Variants in NAIP observed in about 807,000 individuals in gnomAD.
The protein encoded by NAIP is NLR family apoptosis inhibitory protein, also known as baculoviral IAP repeat-containing protein 1.
A neutral mutation model predicts 23.0 loss-of-function variants in NAIP; 15 were observed. The ratio of observed to expected loss-of-function variants is 0.65; its 90% CI spans 0.44 to 1.00. The LOEUF (loss-of-function observed/expected upper bound fraction) is 1.00. Among genes scored for constraint, NAIP ranks in the 50% least tolerant of loss-of-function variants. NAIP has a pLI of 0.00. For synonymous variants in NAIP, 100 were observed against 100.2 expected (o/e 1.00, Z 0.01); for missense variants, 265 against 278.8 (o/e 0.95, Z 0.35).
rs564516366 is a variant in NAIP, at chr5:71,012,755, T to C, written c.161A>G (p.Asn54Ser). ...TTTTGCTTCACTGCGCATTTGAGAGTTGTAGCCTTTCTGCATTTTTGCTCG... is the reference window on the plus strand; with the variant it reads ...TTTTGCTTCACTGCGCATTTGAGAGCTGTAGCCTTTCTGCATTTTTGCTCG... The part of the protein sequence containing the change: ...KERAKMQKGY[N>S]SQMRSEAKRL... Residue 54 changes from asparagine (N) to serine (S), a missense_variant, in exon 4 of 17, where the codon AAC (asparagine) becomes AGC (serine). Coordinates refer to ENST00000517649, the MANE Select transcript of NAIP (RefSeq NM_004536.3). 6.2e-7 allele frequency: 1 copy of C among 1,611,754 alleles called. No homozygotes were observed. Among genetic ancestry groups the C allele is most frequent in the East Asian group, 2.2e-5 (1 of 44,850 alleles).
chr5:71,014,103 C>CTT (rs879631494), intron 3 of NAIP, among the ~76,000 whole-genome samples: 9 of 139,848 alleles, frequency 6.4e-5, no homozygotes, highest in African/African-American at 7.9e-5. Flanking sequence ...GTAATTCCTC[C>CTT]TTTTTTTTTT....
intron 3 of NAIP, among the ~76,000 whole-genome samples, chr5:71,017,730 A>G (rs1751505325): frequency 1.4e-5 from 1 of 69,524 alleles, no homozygotes; most frequent in African/African-American, 4.8e-5. Flanking sequence ...TAGTAGAGAC[A>G]GGGTTTCACC....
At position 71,011,348 on chromosome 5, in the gene NAIP, A is replaced by C. The variant is rs1259295609; in HGVS notation, c.595T>G (p.Ser199Ala). 1 of 1,606,100 alleles carries C rather than the reference A, an allele frequency of 6.2e-7. No individual in the cohort carries two copies. The highest frequency in any genetic ancestry group is 8.5e-7 in the Non-Finnish European group (1 of 1,175,370). ...CAATTTCCTAAACATCCACCACAGGAAAAACACTGTACCGTGTCCTGTTTA... is the reference window on the plus strand; with the variant it reads ...CAATTTCCTAAACATCCACCACAGGCAAAACACTGTACCGTGTCCTGTTTA... Reference protein sequence around the residue: ...TGKQDTVQCFSCGGCLGNWEE... With the variant: ...TGKQDTVQCFACGGCLGNWEE... Residue 199 changes from serine (S) to alanine (A), a missense_variant, in exon 5 of 17, where the codon TCC becomes GCC. Ser to Ala is a moderately conservative substitution (Grantham distance 99). Transcript: ENST00000517649.
chr5:70,977,662 C>A (rs2112868465), intron 13 of NAIP, among the ~76,000 whole-genome samples: 1 of 50,748 alleles, frequency 2.0e-5, no homozygotes, highest in Non-Finnish European at 3.7e-5. Flanking sequence ...AAGACTGCAT[C>A]TCCAAAAAAA....
intron 5 of NAIP, among the ~76,000 whole-genome samples, chr5:71,009,518 G>A (rs1241729256): frequency 6.6e-6 from 1 of 151,012 alleles, no homozygotes; most frequent in African/African-American, 2.4e-5. Context: ...TGATGAAACC[G>A]CATCTCTACT....
chr5:70,996,829 T>A (rs1471266114), intron 9 of NAIP, among the ~76,000 whole-genome samples: 6 of 108,214 alleles, frequency 5.5e-5, no homozygotes, highest in Non-Finnish European at 9.8e-5. Context: ...CAGATGGCTA[T>A]AATTTTTTTA....
chr5:71,011,479 G>C (rs960363052), intron 4 of NAIP, 105 bp from the exon 5 acceptor site: 16 of 930,280 alleles, frequency 1.7e-5, no homozygotes, highest in African/African-American at 3.3e-5. Context: ...CAGCGTGGCT[G>C]TGCACTCCCG....
chr5:71,013,899 T>A (rs1049611177), intron 3 of NAIP, among the ~76,000 whole-genome samples: 2 of 151,416 alleles, frequency 1.3e-5, no homozygotes, highest in African/African-American at 2.4e-5. Flanking sequence ...TTGTTCATTT[T>A]TCAAAGCCCC....
Position 71,012,577 on chromosome 5 carries a change from G to A in NAIP, c.339C>T (p.Pro113=). Reference sequence around the variant, plus strand: ...GATGAAACCTCTTGTGGTCTTCTATGGGGAGTCTCGTGAGGCCGGCACCAA... The same window carrying A: ...GATGAAACCTCTTGTGGTCTTCTATAGGGAGTCTCGTGAGGCCGGCACCAA... ...ILFGAGLTRL[P]IEDHKRFHPD... The change falls in exon 4 of 17, where the codon CCC becomes CCT. Residue 113 remains proline (P), a synonymous_variant. Transcript: ENST00000517649. 1.2e-6 allele frequency: 2 copies of A among 1,611,822 alleles called. No individual in the cohort carries two copies. The highest frequency in any genetic ancestry group is 1.7e-6 in the Non-Finnish European group (2 of 1,178,460).
chr5:71,013,932 C>T (rs1327828501), intron 3 of NAIP, among the ~76,000 whole-genome samples: 1 of 151,478 alleles, frequency 6.6e-6, no homozygotes, highest in Non-Finnish European at 1.5e-5. Context: ...TCCCCATTCC[C>T]TCTTAACTTC....
At chr5:71,009,673 G>C (rs2112915842) in intron 5 of NAIP, among the ~76,000 whole-genome samples, 1 of 151,588 alleles carries the variant, frequency 6.6e-6, no homozygotes, top group East Asian at 1.9e-4. Context: ...GCGAGACTCT[G>C]TCTCAAATAA....
intron 13 of NAIP, among the ~76,000 whole-genome samples, chr5:70,978,109 G>GCA (rs1216316391): frequency 0.016 from 357 of 22,518 alleles, 3 homozygotes; most frequent in African/African-American, 0.026. Context: ...ATATATGTAT[G>GCA]CACACACACA....
At chr5:71,014,037 G>A (rs1025468913) in intron 3 of NAIP, among the ~76,000 whole-genome samples, 1 of 150,978 alleles carries the variant, frequency 6.6e-6, no homozygotes, top group Admixed American at 6.6e-5. Flanking sequence ...CCTCTGTCTT[G>A]TAGCTAGCAA....
chr5:70,980,554 C>CAAAA (rs1300023151), intron 12 of NAIP, among the ~76,000 whole-genome samples: 1 of 7,602 alleles, frequency 1.3e-4, no homozygotes, highest in Admixed American at 3.1e-3. Context: ...GACTCCGTCT[C>CAAAA]AAAAAAAAAA....
Position 71,000,519 on chromosome 5 carries a change from CTAATAATAA to C in NAIP, c.922+1170_922+1178del, listed in dbSNP as rs1167859888. Among the ~76,000 whole-genome samples, 773 of 112,316 alleles carry C rather than the reference CTAATAATAA, an allele frequency of 6.9e-3. 1 individual carries two copies. The highest frequency in any genetic ancestry group is 0.013 in the African/African-American group (291 of 21,998). 73.7% of individuals were successfully genotyped at this position (112,316 alleles called of 152,430 possible). Reference sequence around the variant, plus strand: ...CTTACAGCTAGGTATGGTCATCTGACTAATAATAATAATAATAATAATAATAATTATTAT... The same window carrying C: ...CTTACAGCTAGGTATGGTCATCTGACTAATAATAATAATAATAATTATTAT... On this transcript the variant is annotated intron_variant, in intron 8 of 16. Transcript: ENST00000517649.
At chr5:70,996,478 ATGTAC>A (rs1173218037) in intron 9 of NAIP, among the ~76,000 whole-genome samples, 1 of 131,280 alleles carries the variant, frequency 7.6e-6, no homozygotes, top group African/African-American at 2.7e-5. Context: ...AAAATAAGCA[ATGTAC>A]ATAAAAATTA....
chr5:71,009,950 A>G (rs116693350), intron 5 of NAIP, among the ~76,000 whole-genome samples: 1,798 of 151,616 alleles, frequency 0.012, 55 homozygotes, highest in African/African-American at 0.041. Flanking sequence ...GGAACTAAAG[A>G]CCACTGCAGT....
At chr5:71,000,011 AT>A (rs1554084073) in intron 8 of NAIP, among the ~76,000 whole-genome samples, 2 of 43,326 alleles carry the variant, frequency 4.6e-5, no homozygotes, top group Admixed American at 2.9e-4. Context: ...AGGCAGTCAG[AT>A]TTTTTTTTTC....
In NAIP at chr5:71,015,247, C is replaced by T. The variant is rs1187985180; in HGVS notation, c.-3-2329G>A. On this transcript the variant is annotated intron_variant, in intron 3 of 16. Transcript: ENST00000517649. ...TTTAAAAATTAGCCAGATGTGTTGG[C>T]ACATGCCTGTAGTCCCAGCTACTCG... 2.6e-5 allele frequency among the ~76,000 whole-genome samples: 4 copies of T among 151,280 alleles called. 1 individual carries two copies. The East Asian group carries it at 5.8e-4, about 22-fold the overall frequency.
Sources: allele counts gnomAD v4.1 joint callset (sites outside exome capture counted in the v4.1 genomes callset), GRCh38; gene constraint gnomAD v4.1.1; transcripts MANE v1.5; gene names NCBI Gene and HGNC (gene_info 2026-07-23, HGNC 2026-07-21).